Variants in CTSZ observed in about 807,000 individuals in gnomAD.
The protein encoded by CTSZ is cathepsin Z.
In CTSZ, 39 loss-of-function variants were observed where a neutral mutation model predicts 32.4. The observed-to-expected ratio is 1.20, with a 90% confidence interval of 0.93 to 1.57. The LOEUF is 1.57. Ranked by LOEUF, CTSZ falls within the 40% of genes most tolerant of loss-of-function variation. The probability of loss-of-function intolerance (pLI) is 0.00; values close to 1 mark genes in which losing one functional copy is unlikely to be tolerated. For synonymous variants in CTSZ, 168 were observed against 170.1 expected, an observed-to-expected ratio of 0.99 and a Z score of 0.10; for missense variants, 397 against 419.6, an observed-to-expected ratio of 0.95 and a Z score of 0.47.
At chr20:59,006,860 C>G in intron 1 of CTSZ, 126 bp downstream of exon 1, 2 of 849,554 alleles carry the variant, frequency 2.4e-6, no homozygotes, top group Non-Finnish European at 3.3e-6. Context: ...ACCCCCAAAA[C>G]GAAGCGGCTG....
intron 5 of CTSZ, 125 bp from the exon 6 acceptor site, chr20:58,995,884 G>A (rs2091857083): frequency 4.2e-6 from 3 of 717,700 alleles, no homozygotes; most frequent in East Asian, 5.3e-5. Context: ...GATCCAGACA[G>A]CCCACTCAGC....
At position 58,997,588 on chromosome 20, in the gene CTSZ, G is replaced by T. The variant is rs754375561; in HGVS notation, c.638+15C>A. The stretch of plus-strand genomic sequence containing the variant: ...CACCCGCAAACCTCTCTTTGCCCGC[G>T]GGACCTCTCCTCACCTGATGGGACC... On this transcript the variant is annotated intron_variant, in intron 4 of 5. Transcript: ENST00000217131. The T allele has an allele frequency of 2.9e-5, 45 of 1,533,908 alleles. No homozygotes were observed. The highest frequency in any genetic ancestry group is 1.9e-4 in the African/African-American group (14 of 71,850).
chr20:59,001,591 G>A lies in CTSZ; in HGVS notation c.361C>T (p.Gln121Ter), dbSNP rs892252273. ...GCGTTACCGCAGTCGATGACGTTCTGCACGGACAGGAGGGTGGAGGGCCAC... is the reference window on the plus strand; with the variant it reads ...GCGTTACCGCAGTCGATGACGTTCTACACGGACAGGAGGGTGGAGGGCCAC... ...GAWPSTLLSV[Q>*]NVIDCGNAGS... Residue 121 changes from glutamine to a stop codon, truncating the protein, a stop_gained, in exon 3 of 6, where the codon CAG becomes TAG. Coordinates refer to ENST00000217131, the MANE Select transcript of CTSZ (RefSeq NM_001336.4). LOFTEE classifies it high-confidence loss of function. The A allele has an allele frequency of 1.2e-6, 2 of 1,614,208 alleles. No homozygotes were observed. Among genetic ancestry groups the A allele is most frequent in the African/African-American group, 1.3e-5 (1 of 75,064 alleles).
In CTSZ at chr20:59,006,174, GC is replaced by G. The variant is rs2091907964; in HGVS notation, c.307+147del. Reference sequence around the variant, plus strand: ...TGGGTCACCTCAGCAGAGGGCAAAGGCCCGCGCTCCTCGGCCTTAGCACCCC... The same window carrying G: ...TGGGTCACCTCAGCAGAGGGCAAAGGCCGCGCTCCTCGGCCTTAGCACCCC... On this transcript the variant is annotated intron_variant, in intron 2 of 5. Transcript: ENST00000217131. 1.0e-5 allele frequency: 11 copies of G among 1,058,576 alleles called. No individual in the cohort carries two copies. In the South Asian group the frequency reaches 1.7e-4, roughly 16 times the overall value. The allele number at this position is 1,058,576 out of a possible 1,614,324, so 65.6% of individuals were successfully genotyped here. A position where few individuals can be genotyped will look rare whatever the true frequency, so the allele number is the denominator to read the frequency against.
rs963378294 is a variant in CTSZ at position 59,004,374 on chromosome 20, G to A, written c.307+1948C>T. Among the ~76,000 whole-genome samples the A allele has an allele frequency of 1.3e-5, 2 of 152,040 alleles. No individual in the cohort carries two copies. The highest frequency in any genetic ancestry group is 2.4e-5 in the African/African-American group (1 of 41,380). ...CCAGGGAGGTGGAGGCGGGCAGTATGGTGCAGGAGAAGGAAGCATCCTGGG... is the reference window on the plus strand; with the variant it reads ...CCAGGGAGGTGGAGGCGGGCAGTATAGTGCAGGAGAAGGAAGCATCCTGGG... On this transcript the variant is annotated intron_variant, in intron 2 of 5. Coordinates refer to ENST00000217131, the MANE Select transcript of CTSZ (RefSeq NM_001336.4). The surrounding 1 kb of genome is among the most constrained non-coding windows in gnomAD (Gnocchi z 5.6).
In CTSZ at chr20:59,001,446, G is replaced by A. The variant is rs372693852; in HGVS notation, c.487+19C>T. 6.3e-7 allele frequency: 1 copy of A among 1,595,160 alleles called. No homozygotes were observed. Among genetic ancestry groups the A allele is most frequent in the Non-Finnish European group, 8.6e-7 (1 of 1,166,602 alleles). On this transcript the variant is annotated intron_variant, in intron 3 of 5. Transcript: ENST00000217131. The stretch of plus-strand genomic sequence containing the variant: ...GTGGAGGGCAGGAGGGTGGAGTGGG[G>A]GCACGGGCAGCAGCCTACCCTGGTC...
At chr20:59,001,256 C>T (rs2091887733) in intron 3 of CTSZ, among the ~76,000 whole-genome samples, 1 of 152,188 alleles carries the variant, frequency 6.6e-6, no homozygotes, top group African/African-American at 2.4e-5. Context: ...GCTTCTGCAG[C>T]GAGAGGCTGG....
Position 59,006,977 on chromosome 20 carries a change from G to C in CTSZ, c.143+9C>G, listed in dbSNP as rs1018273386. The stretch of plus-strand genomic sequence containing the variant: ...GTCCCCCCAGGGCTGCCTCCCCGCC[G>C]GTGCCCACCTGCGCCCCAGCGGAGC... On this transcript the variant is annotated intron_variant, in intron 1 of 5. Coordinates refer to ENST00000217131, the MANE Select transcript of CTSZ (RefSeq NM_001336.4). The C allele has an allele frequency of 2.1e-5, 30 of 1,430,442 alleles. No homozygotes were observed. Among genetic ancestry groups the C allele is most frequent in the Non-Finnish European group, 2.7e-5 (30 of 1,100,526 alleles). The allele number at this position is 1,430,442 out of a possible 1,614,324, so 88.6% of individuals were successfully genotyped here. A position where few individuals can be genotyped will look rare whatever the true frequency, so the allele number is the denominator to read the frequency against.
Position 58,995,605 on chromosome 20 carries a change from G to T in CTSZ, c.*44C>A, listed in dbSNP as rs1194234224. On this transcript the variant is annotated 3_prime_UTR_variant, in exon 6 of 6. Coordinates refer to ENST00000217131, the MANE Select transcript of CTSZ (RefSeq NM_001336.4). ...AACCATAGGATCCCCTCTGGTCATG[G>T]GTCACCATGCCTTTTCTTAAACTGC... 3 of 1,563,570 alleles carry T rather than the reference G, an allele frequency of 1.9e-6. No homozygotes were observed. The highest frequency in any genetic ancestry group is 2.6e-6 in the Non-Finnish European group (3 of 1,134,740).
Position 59,002,666 on chromosome 20 carries a change from T to C in CTSZ, c.308-1022A>G, listed in dbSNP as rs13043238. ...GGGCCTTCTGGAACTGTCCCTGCTCTGGTGACTTCACGCATCACTGAAAAG... is the reference window on the plus strand; with the variant it reads ...GGGCCTTCTGGAACTGTCCCTGCTCCGGTGACTTCACGCATCACTGAAAAG... On this transcript the variant is annotated intron_variant, in intron 2 of 5. Transcript: ENST00000217131. This position sits in a 1 kb window ranked among gnomAD's most constrained non-coding sequence, Gnocchi z 4.1. Among the ~76,000 whole-genome samples, 28,680 of 151,590 alleles carry C rather than the reference T, an allele frequency of 0.19. 3,173 individuals carry two copies. The highest frequency in any genetic ancestry group is 0.3 in the African/African-American group (12,484 of 40,976).
chr20:59,005,191 G>C (rs1027925993), intron 2 of CTSZ, among the ~76,000 whole-genome samples: 1 of 152,026 alleles, frequency 6.6e-6, no homozygotes. Flanking sequence ...ACCTTTGAAC[G>C]ATCAGAAGTG....
At chr20:59,000,058 G>C (rs1178051584) in intron 3 of CTSZ, among the ~76,000 whole-genome samples, 1 of 130,384 alleles carries the variant, frequency 7.7e-6, no homozygotes, top group African/African-American at 2.9e-5. Context: ...GAAAGAGCGA[G>C]ACTCCGTCTC....
chr20:58,999,407 C>T (rs924857763), intron 3 of CTSZ, among the ~76,000 whole-genome samples: 3 of 152,116 alleles, frequency 2.0e-5, no homozygotes, highest in East Asian at 1.9e-4. Context: ...GGCCTGGCCT[C>T]AGCTGGGCGA....
rs142859533 is a variant in CTSZ at position 58,997,667 on chromosome 20, C to T, written c.574G>A (p.Asp192Asn). The T allele has an allele frequency of 7.5e-6, 12 of 1,609,802 alleles. No homozygotes were observed. The African/African-American group carries it at 1.2e-4, about 16-fold the overall frequency. Reference sequence around the variant, plus strand: ...TCCCTCCCAGAGAGGGAGCCGTAGTCTCCCACCCTCCAGAGGGTGTAGTTC... The same window carrying T: ...TCCCTCCCAGAGAGGGAGCCGTAGTTTCCCACCCTCCAGAGGGTGTAGTTC... ...IRNYTLWRVG[D>N]YGSLSGREKM... Residue 192 changes from aspartate (D) to asparagine (N), a missense_variant, in exon 4 of 6, where the codon GAC becomes AAC. Transcript: ENST00000217131.
chr20:59,003,477 T>G (rs2091897800), intron 2 of CTSZ, among the ~76,000 whole-genome samples: 1 of 152,220 alleles, frequency 6.6e-6, no homozygotes, highest in Admixed American at 6.5e-5. Flanking sequence ...GGCCAGGGTG[T>G]GCAGGAGGCT....
intron 5 of CTSZ, 50 bp downstream of exon 5, chr20:58,996,589 C>A: frequency 6.3e-7 from 1 of 1,589,818 alleles, no homozygotes; most frequent in South Asian, 1.1e-5. Context: ...GAGAGGAGTA[C>A]CAGGACGTTT....
chr20:58,998,552 A>AAAAG (rs1555807498), intron 3 of CTSZ, among the ~76,000 whole-genome samples: 34 of 145,286 alleles, frequency 2.3e-4, no homozygotes, highest in South Asian at 8.7e-4. Flanking sequence ...GTCTCAAAAA[A>AAAAG]AAAGAAAGAA....
chr20:59,001,440 AGT>A (rs778018905), intron 3 of CTSZ, 23 bp downstream of exon 3: 1 of 1,591,086 alleles, frequency 6.3e-7, no homozygotes, highest in Non-Finnish European at 8.6e-7. Flanking sequence ...AGGAGGGTGG[AGT>A]GGGGGCACGG....
intron 2 of CTSZ, 108 bp from the exon 3 acceptor site, chr20:59,001,752 C>T (rs2091890744): frequency 2.6e-6 from 3 of 1,143,392 alleles, no homozygotes; most frequent in Non-Finnish European, 2.5e-6. Flanking sequence ...GCCTGGCCTG[C>T]CTTCAGCTCT....
Sources: allele counts gnomAD v4.1 joint callset (sites outside exome capture counted in the v4.1 genomes callset), GRCh38; gene constraint gnomAD v4.1.1; non-coding constraint Gnocchi (gnomAD v3.1); transcripts MANE v1.5; gene names NCBI Gene and HGNC (gene_info 2026-07-23, HGNC 2026-07-21).